MYO1B: variants seen among roughly 807,000 people sequenced by gnomAD.
MYO1B encodes unconventional myosin-Ib.
In MYO1B, 72 loss-of-function variants were observed where a neutral mutation model predicts 159.7. The ratio of observed to expected loss-of-function variants is 0.45; its 90% CI spans 0.37 to 0.55. The LOEUF (loss-of-function observed/expected upper bound fraction) is 0.55. Among genes scored for constraint, MYO1B ranks in the 20% least tolerant of loss-of-function variants. The probability of loss-of-function intolerance (pLI) is 0.00; values close to 1 mark genes in which losing one functional copy is unlikely to be tolerated. For synonymous variants in MYO1B, 468 were observed against 473.8 expected, an observed-to-expected ratio of 0.99 and a Z score of 0.16; for missense variants, 1,062 against 1,364.8, an observed-to-expected ratio of 0.78 and a Z score of 3.50.
chr2:191,324,668 G>A (rs1690939153), intron 3 of MYO1B, among the ~76,000 whole-genome samples: 1 of 152,104 alleles, frequency 6.6e-6, no homozygotes. Flanking sequence ...GGACTATTTA[G>A]GAATGTTTAC....
chr2:191,415,269 C>G (rs1437117184), intron 29 of MYO1B, among the ~76,000 whole-genome samples: 3 of 152,208 alleles, frequency 2.0e-5, no homozygotes, highest in East Asian at 1.9e-4. Context: ...ACTGGAGGAA[C>G]AGGGCCTGTC....
rs991595234 is a variant in MYO1B, at chr2:191,337,302, T to C, written c.347-4159T>C. 3.3e-5 allele frequency among the ~76,000 whole-genome samples: 5 copies of C among 152,340 alleles called. No homozygotes were observed. The Middle Eastern group carries it at 0.014, about 415-fold the overall frequency. On this transcript the variant is annotated intron_variant, in intron 4 of 30. Transcript: ENST00000392318. The stretch of plus-strand genomic sequence containing the variant: ...TATGAATTTATATAATTCTATGTTG[T>C]GTGATAATTACATGATAATACATAT...
chr2:191,320,373 C>A (rs1461989071), intron 3 of MYO1B, among the ~76,000 whole-genome samples: 1 of 152,048 alleles, frequency 6.6e-6, no homozygotes, highest in Non-Finnish European at 1.5e-5. Context: ...AGAATGCTTC[C>A]TTCTTTACAG....
rs200992760 is a variant in MYO1B at position 191,398,661 on chromosome 2, A to T, written c.2296-1721A>T. Among the ~76,000 whole-genome samples the T allele has an allele frequency of 3.4e-4, 50 of 148,340 alleles. No homozygotes were observed. In the East Asian group the frequency reaches 3.6e-3, roughly 11 times the overall value. On this transcript the variant is annotated intron_variant, in intron 21 of 30. Transcript: ENST00000392318. Reference sequence around the variant, plus strand: ...CGGGGCAGAGGCGCTCCCCACTCAGATGATGGGCGGGTCAGGCAGAGATGC... The same window carrying T: ...CGGGGCAGAGGCGCTCCCCACTCAGTTGATGGGCGGGTCAGGCAGAGATGC...
Position 191,396,490 on chromosome 2 carries a change from G to A in MYO1B, c.2288G>A (p.Gly763Asp). The A allele has an allele frequency of 1.2e-6, 2 of 1,614,116 alleles. No individual in the cohort carries two copies. The highest frequency in any genetic ancestry group is 1.7e-6 in the Non-Finnish European group (2 of 1,179,980). Residue 763 changes from glycine (G) to aspartate (D), a missense_variant, in exon 21 of 31, where the codon GGT (glycine) becomes GAT (aspartate). Gly to Asp is a moderately conservative substitution (Grantham distance 94). Transcript: ENST00000392318. ...TTAGTAATTCAGTCTTATATCCGGG[G>A]TTGGAAGGTGAGTTTAAAAGAAGTA... ...SALVIQSYIRGWKARKILREL... is the reference protein window; with the variant it reads ...SALVIQSYIRDWKARKILREL...
At chr2:191,326,455 G>C (rs1166757407) in intron 3 of MYO1B, among the ~76,000 whole-genome samples, 9 of 152,056 alleles carry the variant, frequency 5.9e-5, no homozygotes, top group Non-Finnish European at 1.2e-4. Flanking sequence ...CATTTATACT[G>C]TCCTTGAGAT....
At chr2:191,287,772 A>G (rs1688465441) in intron 2 of MYO1B, among the ~76,000 whole-genome samples, 1 of 151,954 alleles carries the variant, frequency 6.6e-6, no homozygotes, top group South Asian at 2.1e-4. Context: ...TAAGCCCCTC[A>G]TCCCCCACTG....
In MYO1B at chr2:191,362,864, A is replaced by C. The variant is rs112482067; in HGVS notation, c.765+493A>C. On this transcript the variant is annotated intron_variant, in intron 9 of 30. Coordinates refer to ENST00000392318, the MANE Select transcript of MYO1B (RefSeq NM_001130158.3). ...TCTGTCTTAATGTGTGATACACTTGACATGATATGGTAACTGGGATTTACT... is the reference window on the plus strand; with the variant it reads ...TCTGTCTTAATGTGTGATACACTTGCCATGATATGGTAACTGGGATTTACT... Among the ~76,000 whole-genome samples, 149 of 152,358 alleles carry C rather than the reference A, an allele frequency of 9.8e-4. 1 individual carries two copies. Among genetic ancestry groups the C allele is most frequent in the African/African-American group, 3.4e-3 (142 of 41,582 alleles).
chr2:191,391,484 G>A (rs904577136), intron 18 of MYO1B, among the ~76,000 whole-genome samples: 3 of 151,866 alleles, frequency 2.0e-5, no homozygotes, highest in East Asian at 1.9e-4. Flanking sequence ...GCTAATTTCC[G>A]GGGTATTATG....
intron 6 of MYO1B, among the ~76,000 whole-genome samples, chr2:191,347,790 C>G (rs1366032828): frequency 1.3e-5 from 2 of 152,136 alleles, no homozygotes; most frequent in Non-Finnish European, 2.9e-5. Context: ...TAGGAGGACT[C>G]TACTGTATTT....
chr2:191,273,883 G>A (rs61276080), intron 1 of MYO1B, among the ~76,000 whole-genome samples: 2,194 of 152,268 alleles, frequency 0.014, 53 homozygotes, highest in African/African-American at 0.05. Flanking sequence ...TTGTGCCCAT[G>A]GTAAGCACAT....
At chr2:191,261,502 G>A (rs1686809292) in intron 1 of MYO1B, among the ~76,000 whole-genome samples, 1 of 152,190 alleles carries the variant, frequency 6.6e-6, no homozygotes, top group Admixed American at 6.5e-5. Context: ...CACACTGTGT[G>A]TCCGTTGTGG....
At chr2:191,330,340 T>G (rs1386134040) in intron 4 of MYO1B, among the ~76,000 whole-genome samples, 1 of 152,178 alleles carries the variant, frequency 6.6e-6, no homozygotes, top group Non-Finnish European at 1.5e-5. Flanking sequence ...TGTTACAGAT[T>G]CAAACTGCTT....
chr2:191,307,268 A>G (rs1689705314), intron 3 of MYO1B, among the ~76,000 whole-genome samples: 1 of 151,952 alleles, frequency 6.6e-6, no homozygotes, highest in Admixed American at 6.5e-5. Flanking sequence ...TAACTTCCCA[A>G]CATTGCCATG....
At chr2:191,247,899 A>G in intron 1 of MYO1B, 1 of 981,072 alleles carries the variant, frequency 1.0e-6, no homozygotes, top group African/African-American at 1.7e-5. Flanking sequence ...TCCCAGGATG[A>G]ATCATCACTT....
At chr2:191,298,582 C>T (rs192586569) in intron 3 of MYO1B, among the ~76,000 whole-genome samples, 4 of 152,230 alleles carry the variant, frequency 2.6e-5, no homozygotes, top group East Asian at 1.9e-4. Flanking sequence ...AGTCTGAGAA[C>T]GTGTTGCTTT....
At chr2:191,423,422 T>TG (rs1223598583) in intron 30 of MYO1B, among the ~76,000 whole-genome samples, 1 of 152,200 alleles carries the variant, frequency 6.6e-6, no homozygotes, top group East Asian at 1.9e-4. Context: ...CGTATATGAC[T>TG]GACAGTGAAT....
At chr2:191,417,862 G>C (rs1202302537) in intron 30 of MYO1B, among the ~76,000 whole-genome samples, 2 of 152,180 alleles carry the variant, frequency 1.3e-5, no homozygotes, top group African/African-American at 4.8e-5. Flanking sequence ...GTCAACCACA[G>C]AGCTCCTTCA....
rs553283132 is a variant in MYO1B, at chr2:191,266,790, C to T, written c.-9-10097C>T. On this transcript the variant is annotated intron_variant, in intron 1 of 30. Coordinates refer to ENST00000392318, the MANE Select transcript of MYO1B (RefSeq NM_001130158.3). ...AAGTGAGAGTTGGTAACTGGTAATCCAAAACCTTCCATGTTGTTATAGCAG... is the reference window on the plus strand; with the variant it reads ...AAGTGAGAGTTGGTAACTGGTAATCTAAAACCTTCCATGTTGTTATAGCAG... 1.1e-4 allele frequency among the ~76,000 whole-genome samples: 16 copies of T among 151,738 alleles called. 1 individual carries two copies. The highest frequency in any genetic ancestry group is 3.9e-4 in the African/African-American group (16 of 41,016).
Sources: gnomAD v4.1 joint callset for allele counts (sites outside exome capture counted in the v4.1 genomes callset) on GRCh38, gnomAD v4.1.1 for gene constraint, MANE v1.5 for transcripts, NCBI Gene and HGNC (gene_info 2026-07-23, HGNC 2026-07-21) for gene names.